The following PRKN variants were observed in gnomAD, a reference collection of about 807,000 sequenced individuals.
The protein encoded by PRKN is E3 ubiquitin-protein ligase parkin.
A neutral mutation model predicts 59.5 loss-of-function variants in PRKN; 56 were observed. The observed-to-expected ratio is 0.94, with a 90% CI of 0.76 to 1.18. The LOEUF is 1.18. Ranked by LOEUF, PRKN falls within the 50% of genes most tolerant of loss-of-function variation. The pLI, the probability that PRKN is intolerant of heterozygous loss-of-function variation, is 0.00. For missense variants in PRKN, 657 were observed against 596.4 expected, an observed-to-expected ratio of 1.10 and a Z score of -1.06; for synonymous variants, 250 against 222.1, an observed-to-expected ratio of 1.13 and a Z score of -1.12.
intron 5 of PRKN, among the ~76,000 whole-genome samples, chr6:162,052,568 G>C (rs141451133): frequency 3.3e-5 from 5 of 152,238 alleles, no homozygotes; most frequent in African/African-American, 9.6e-5. Context: ...AGGGCTCCTA[G>C]AGGATTTGGG....
intron 1 of PRKN, among the ~76,000 whole-genome samples, chr6:162,550,008 T>C (rs1418216741): frequency 6.6e-6 from 1 of 152,184 alleles, no homozygotes; most frequent in Non-Finnish European, 1.5e-5. Flanking sequence ...AAGCTAAATA[T>C]GTCTCACCGT....
intron 9 of PRKN, among the ~76,000 whole-genome samples, chr6:161,435,398 A>G (rs937706269): frequency 6.6e-6 from 1 of 152,140 alleles, no homozygotes. Context: ...GTGTGAAGGT[A>G]AGTGAAGTCG....
At chr6:162,496,162 CA>C (rs1793056579) in intron 1 of PRKN, among the ~76,000 whole-genome samples, 1 of 151,488 alleles carries the variant, frequency 6.6e-6, no homozygotes, top group African/African-American at 2.4e-5. Context: ...GCTTGAACCC[CA>C]AAGGTGGATG....
chr6:161,930,218 T>C (rs1439024157), intron 6 of PRKN, among the ~76,000 whole-genome samples: 1 of 152,226 alleles, frequency 6.6e-6, no homozygotes, highest in East Asian at 1.9e-4. Flanking sequence ...TCAGGCCAGA[T>C]GGATGAATGA....
At chr6:161,972,027 A>C (rs1372677738) in intron 6 of PRKN, among the ~76,000 whole-genome samples, 1 of 152,196 alleles carries the variant, frequency 6.6e-6, no homozygotes, top group Non-Finnish European at 1.5e-5. Flanking sequence ...TAATCCCAGC[A>C]CTTGGTGGGG....
At position 161,755,887 on chromosome 6, in the gene PRKN, T is replaced by C. The variant is rs899618848; in HGVS notation, c.871+29885A>G. Among the ~76,000 whole-genome samples, 13 of 152,122 alleles carry C rather than the reference T, an allele frequency of 8.5e-5. 1 individual carries two copies. Among genetic ancestry groups the C allele is most frequent in the Admixed American group, 6.5e-4 (10 of 15,280 alleles). Reference sequence around the variant, plus strand: ...ACTCTCCCCTACAGGCCAGCACAAGTGGCTACTGCCCTCTGTTGCCAATAG... The same window carrying C: ...ACTCTCCCCTACAGGCCAGCACAAGCGGCTACTGCCCTCTGTTGCCAATAG... On this transcript the variant is annotated intron_variant, in intron 7 of 11. Transcript: ENST00000366898.
intron 3 of PRKN, among the ~76,000 whole-genome samples, chr6:162,233,941 T>C (rs1778530185): frequency 6.6e-6 from 1 of 152,200 alleles, no homozygotes; most frequent in African/African-American, 2.4e-5. Context: ...ATGAGCCCAA[T>C]AAACTTATTT....
At chr6:162,650,404 C>T (rs1440705126) in intron 1 of PRKN, among the ~76,000 whole-genome samples, 2 of 151,626 alleles carry the variant, frequency 1.3e-5, no homozygotes, top group African/African-American at 2.4e-5. Flanking sequence ...GAGACCATCC[C>T]GGCTAAAAAC....
chr6:161,875,641 A>G (rs942389739), intron 6 of PRKN, among the ~76,000 whole-genome samples: 1 of 152,120 alleles, frequency 6.6e-6, no homozygotes, highest in African/African-American at 2.4e-5. Flanking sequence ...GGATCTGATG[A>G]GAGACTAACA....
At chr6:162,373,622 T>C (rs1785888328) in intron 2 of PRKN, among the ~76,000 whole-genome samples, 1 of 152,190 alleles carries the variant, frequency 6.6e-6, no homozygotes, top group Non-Finnish European at 1.5e-5. Context: ...GCCTATGTAA[T>C]ACTTCCTTTA....
chr6:161,901,043 G>A (rs1390991629), intron 6 of PRKN, among the ~76,000 whole-genome samples: 5 of 151,356 alleles, frequency 3.3e-5, no homozygotes, highest in Admixed American at 6.6e-5. Context: ...AGCCTCCTGA[G>A]TAGCTGGCAC....
At chr6:161,707,038 A>G (rs1462540822) in intron 7 of PRKN, among the ~76,000 whole-genome samples, 1 of 152,174 alleles carries the variant, frequency 6.6e-6, no homozygotes, top group Non-Finnish European at 1.5e-5. Flanking sequence ...TATTTCTCAT[A>G]AAGCTTTCAA....
intron 4 of PRKN, among the ~76,000 whole-genome samples, chr6:162,165,864 C>T (rs1445906009): frequency 2.0e-5 from 3 of 151,854 alleles, no homozygotes; most frequent in Non-Finnish European, 4.4e-5. Flanking sequence ...GCCTGGCCAA[C>T]ATGGTGAAAC....
At chr6:161,842,640 C>T (rs1390159233) in intron 6 of PRKN, among the ~76,000 whole-genome samples, 1 of 151,964 alleles carries the variant, frequency 6.6e-6, no homozygotes, top group Non-Finnish European at 1.5e-5. Context: ...TCTCAGCTCA[C>T]TGCAACCACC....
chr6:161,485,870 A>T (rs1583138639), intron 9 of PRKN, among the ~76,000 whole-genome samples: 1 of 152,158 alleles, frequency 6.6e-6, no homozygotes, highest in East Asian at 1.9e-4. Context: ...TAGGAAAATC[A>T]GTTAAAGATG....
At chr6:162,492,777 C>T (rs1265481755) in intron 1 of PRKN, among the ~76,000 whole-genome samples, 1 of 152,062 alleles carries the variant, frequency 6.6e-6, no homozygotes, top group Non-Finnish European at 1.5e-5. Flanking sequence ...CAGTGAAACT[C>T]TGTCTCTACT....
At position 161,475,194 on chromosome 6, in the gene PRKN, TTACCTA is replaced by T. The variant is rs1178341477; in HGVS notation, c.1083+73654_1083+73659del. 6.6e-6 allele frequency among the ~76,000 whole-genome samples: 1 copy of T among 152,206 alleles called. No individual in the cohort carries two copies. The highest frequency in any genetic ancestry group is 2.4e-5 in the African/African-American group (1 of 41,466). ...ATAAGCCACCATGCCTGACCCACTA[TTACCTA>T]TACTTATAGTAGATTGCATGTGATC... is the stretch of plus-strand genomic sequence containing the variant. On this transcript the variant is annotated intron_variant, in intron 9 of 11. Coordinates refer to ENST00000366898, the MANE Select transcript of PRKN (RefSeq NM_004562.3). The surrounding 1 kb of genome is among the most constrained non-coding windows in gnomAD (Gnocchi z 5.3).
At chr6:162,246,022 A>C (rs1276725886) in intron 3 of PRKN, among the ~76,000 whole-genome samples, 1 of 152,128 alleles carries the variant, frequency 6.6e-6, no homozygotes, top group Non-Finnish European at 1.5e-5. Flanking sequence ...GCATGACTGA[A>C]GTTGTAGGAC....
chr6:162,213,225 T>C lies in PRKN; in HGVS notation c.413-11973A>G, dbSNP rs113992998. Among the ~76,000 whole-genome samples, 312 of 152,240 alleles carry C rather than the reference T, an allele frequency of 2.0e-3. 1 individual carries two copies. The highest frequency in any genetic ancestry group is 3.4e-3 in the Admixed American group (52 of 15,286). ...GAAGAATATTAAAAACCTATCAAGATGCCATCTATCAATAATGTTAACAAT... is the reference window on the plus strand; with the variant it reads ...GAAGAATATTAAAAACCTATCAAGACGCCATCTATCAATAATGTTAACAAT... On this transcript the variant is annotated intron_variant, in intron 3 of 11. Transcript: ENST00000366898.
Sources: gnomAD v4.1 joint callset for allele counts (sites outside exome capture counted in the v4.1 genomes callset) on GRCh38, gnomAD v4.1.1 for gene constraint, Gnocchi (gnomAD v3.1) non-coding constraint, MANE v1.5 for transcripts, NCBI Gene and HGNC (gene_info 2026-07-23, HGNC 2026-07-21) for gene names.